The following EMC2 variants were observed in gnomAD, a reference collection of about 807,000 sequenced individuals.
The protein encoded by EMC2 is TPR repeat protein 35.
Under a neutral mutation model 51.6 loss-of-function variants are expected in EMC2, and 37 were observed. That is an observed-to-expected ratio of 0.72 (90% confidence interval 0.55 to 0.94). The LOEUF (loss-of-function observed/expected upper bound fraction) is 0.94. Among genes scored for constraint, EMC2 ranks in the 40% least tolerant of loss-of-function variants. The probability of loss-of-function intolerance (pLI) is 0.00; values close to 1 mark genes in which losing one functional copy is unlikely to be tolerated. For missense variants in EMC2, 359 were observed against 350.9 expected (o/e 1.02, Z -0.18); for synonymous variants, 131 against 112.4 (o/e 1.17, Z -1.04).
At position 108,488,827 on chromosome 8, in the gene EMC2, A is replaced by G. The variant is rs1005815841; in HGVS notation, c.*2229A>G. On this transcript the variant is annotated 3_prime_UTR_variant, in exon 11 of 11. Coordinates refer to ENST00000220853, the MANE Select transcript of EMC2 (RefSeq NM_014673.5). ...ATTCTGTCTCTCTATTGTGGTAGCT[A>G]CTAACCATATGTGATATTGAGTACT... Among the ~76,000 whole-genome samples the G allele has an allele frequency of 6.6e-6, 1 of 152,120 alleles. No homozygotes were observed. Among genetic ancestry groups the G allele is most frequent in the Admixed American group, 6.6e-5 (1 of 15,264 alleles).
At chr8:108,467,898 A>G (rs1239770348) in intron 5 of EMC2, among the ~76,000 whole-genome samples, 3 of 152,248 alleles carry the variant, frequency 2.0e-5, no homozygotes, top group African/African-American at 7.2e-5. Context: ...CAAATGTTAA[A>G]GAAAGGAAGA....
Position 108,488,673 on chromosome 8 carries a change from G to A in EMC2, c.*2075G>A, listed in dbSNP as rs988098414. Among the ~76,000 whole-genome samples the A allele has an allele frequency of 2.0e-5, 3 of 152,098 alleles. No homozygotes were observed. Among genetic ancestry groups the A allele is most frequent in the Non-Finnish European group, 2.9e-5 (2 of 68,034 alleles). The stretch of plus-strand genomic sequence containing the variant: ...GTGGCAAGGATCCCTCTTCCTCAAA[G>A]AGATTAGGACCTTACCCCAACTCCA... On this transcript the variant is annotated 3_prime_UTR_variant, in exon 11 of 11. Coordinates refer to ENST00000220853, the MANE Select transcript of EMC2 (RefSeq NM_014673.5).
intron 2 of EMC2, among the ~76,000 whole-genome samples, 185 bp from the exon 3 acceptor site, chr8:108,450,243 A>T (rs140090972): frequency 6.6e-6 from 1 of 152,324 alleles, no homozygotes; most frequent in East Asian, 1.9e-4. Context: ...TTAACCTTAC[A>T]TTAACATATT....
chr8:108,483,983 T>C (rs1411182153), intron 10 of EMC2, among the ~76,000 whole-genome samples: 1 of 152,078 alleles, frequency 6.6e-6, no homozygotes, highest in Non-Finnish European at 1.5e-5. Flanking sequence ...GAAAATTAGG[T>C]TTCAAGAACT....
intron 7 of EMC2, 123 bp from the exon 8 acceptor site, chr8:108,475,759 G>A (rs1416800961): frequency 1.8e-6 from 1 of 561,822 alleles, no homozygotes; most frequent in Non-Finnish European, 3.2e-6. Context: ...ATAAAGCTAT[G>A]TAAATTATAT....
chr8:108,472,444 T>C (rs561223138), intron 7 of EMC2, among the ~76,000 whole-genome samples: 4 of 151,684 alleles, frequency 2.6e-5, no homozygotes, highest in African/African-American at 9.7e-5. Flanking sequence ...AAAATATTTT[T>C]TTAGAGAAAA....
intron 5 of EMC2, chr8:108,464,219 C>T (rs1179269382): frequency 1.3e-5 from 2 of 152,216 alleles, no homozygotes; most frequent in African/African-American, 2.4e-5. Context: ...GGTCAGAATA[C>T]ATCCATTTGA....
chr8:108,466,442 A>ATTATTTTTTTTTT (rs1819467176), intron 5 of EMC2, among the ~76,000 whole-genome samples: 16 of 91,060 alleles, frequency 1.8e-4, no homozygotes, highest in African/African-American at 7.6e-4. Context: ...CTATGATAGA[A>ATTATTTTTTTTTT]TTTTTTTTTT....
intron 9 of EMC2, among the ~76,000 whole-genome samples, chr8:108,478,613 A>G (rs545666857): frequency 6.6e-6 from 1 of 152,090 alleles, no homozygotes; most frequent in African/African-American, 2.4e-5. Context: ...TGATTCTGAC[A>G]TAGCAAGTTA....
chr8:108,451,191 A>G (rs1300549505), intron 3 of EMC2, among the ~76,000 whole-genome samples: 1 of 144,966 alleles, frequency 6.9e-6, no homozygotes, highest in Non-Finnish European at 1.5e-5. Context: ...CAACAGAGCG[A>G]GACTCTGTCT....
intron 8 of EMC2, 142 bp downstream of exon 8, chr8:108,476,105 A>G (rs996490100): frequency 1.2e-5 from 6 of 495,866 alleles, no homozygotes; most frequent in Non-Finnish European, 2.1e-5. Flanking sequence ...TGGGAATAAA[A>G]GTTTAAAATT....
intron 5 of EMC2, among the ~76,000 whole-genome samples, chr8:108,469,258 T>G (rs1473002024): frequency 6.6e-6 from 1 of 152,194 alleles, no homozygotes; most frequent in African/African-American, 2.4e-5. Flanking sequence ...ATGGCATTGA[T>G]TTTTATGTTT....
At chr8:108,456,672 C>G (rs1819169420) in intron 5 of EMC2, among the ~76,000 whole-genome samples, 2 of 151,772 alleles carry the variant, frequency 1.3e-5, no homozygotes, top group Admixed American at 1.3e-4. Context: ...CTGAAGATAC[C>G]TATATAGTAG....
At chr8:108,483,426 T>C (rs1811081766) in intron 10 of EMC2, among the ~76,000 whole-genome samples, 1 of 152,190 alleles carries the variant, frequency 6.6e-6, no homozygotes, top group African/African-American at 2.4e-5. Context: ...AGCACTGATC[T>C]GATTTTTATC....
Position 108,449,918 on chromosome 8 carries a change from T to G in EMC2, c.136T>G (p.Ser46Ala), listed in dbSNP as rs775393059. 1 of 1,555,244 alleles carries G rather than the reference T, an allele frequency of 6.4e-7. No homozygotes were observed. The highest frequency in any genetic ancestry group is 8.9e-7 in the Non-Finnish European group (1 of 1,128,244). Residue 46 changes from serine (S) to alanine (A), a missense_variant, in exon 2 of 11, where the codon TCT becomes GCT. By Grantham distance (99) the Ser-to-Ala change is moderately conservative. Transcript: ENST00000220853. ...VGEELINEYA[S>A]KLGDDIWIIY... ...AGAAGAATTAATTAATGAATATGCT[T>G]CTAAGCTGGGAGATGATAGTAAGTT...
chr8:108,457,413 C>G (rs1379323131), intron 5 of EMC2, among the ~76,000 whole-genome samples: 2 of 149,938 alleles, frequency 1.3e-5, no homozygotes, highest in Non-Finnish European at 3.0e-5. Context: ...ATGTATTAGT[C>G]CATTTTCATG....
At chr8:108,456,130 G>T (rs1819148814) in intron 5 of EMC2, 200 bp downstream of exon 5, 2 of 184,244 alleles carry the variant, frequency 1.1e-5, no homozygotes, top group Non-Finnish European at 2.3e-5. Flanking sequence ...AATAAAATTT[G>T]ACTTCTCACC....
At chr8:108,447,818 T>C (rs1818914689) in intron 1 of EMC2, among the ~76,000 whole-genome samples, 1 of 152,078 alleles carries the variant, frequency 6.6e-6, no homozygotes, top group South Asian at 2.1e-4. Context: ...AGGAGCGAGC[T>C]TTTTGCAGGA....
intron 7 of EMC2, among the ~76,000 whole-genome samples, chr8:108,472,328 G>A (rs1810871137): frequency 6.6e-6 from 1 of 151,370 alleles, no homozygotes; most frequent in Non-Finnish European, 1.5e-5. Context: ...GTTTTGCTTT[G>A]TTTGGAATCT....
Sources: gnomAD v4.1 joint callset for allele counts (sites outside exome capture counted in the v4.1 genomes callset) on GRCh38, gnomAD v4.1.1 for gene constraint, MANE v1.5 for transcripts, NCBI Gene and HGNC (gene_info 2026-07-23, HGNC 2026-07-21) for gene names.